The following ADGRB3 variants were observed in gnomAD, a reference collection of about 807,000 sequenced individuals.
ADGRB3 encodes the protein brain-specific angiogenesis inhibitor 3.
A neutral mutation model predicts 193.4 loss-of-function variants in ADGRB3; 37 were observed. The ratio of observed to expected loss-of-function variants is 0.19; its 90% CI spans 0.15 to 0.25. ADGRB3 has a LOEUF of 0.25. ADGRB3 is among the 10% of genes least tolerant of loss of function. The probability of loss-of-function intolerance (pLI) is 1.00; values close to 1 mark genes in which losing one functional copy is unlikely to be tolerated. For synonymous variants in ADGRB3, 690 were observed against 644.2 expected (o/e 1.07, Z -1.08); for missense variants, 1,637 against 1,852.9 (o/e 0.88, Z 2.14).
chr6:69,098,160 G>C (rs1288003722), intron 17 of ADGRB3, among the ~76,000 whole-genome samples: 1 of 152,094 alleles, frequency 6.6e-6, no homozygotes, highest in Non-Finnish European at 1.5e-5. Flanking sequence ...ATAAACTCCT[G>C]GCTTCAAGCC....
chr6:68,901,981 G>A (rs1000056339), intron 3 of ADGRB3, among the ~76,000 whole-genome samples: 13 of 152,152 alleles, frequency 8.5e-5, no homozygotes, highest in East Asian at 7.7e-4. Flanking sequence ...GCTGGAAGCC[G>A]TCTTGTTCTC....
intron 3 of ADGRB3, among the ~76,000 whole-genome samples, chr6:68,783,062 T>A (rs1461523191): frequency 8.3e-6 from 1 of 119,996 alleles, no homozygotes. Context: ...CCAGCTAATA[T>A]TTATGGAGTA....
intron 26 of ADGRB3, among the ~76,000 whole-genome samples, chr6:69,352,195 C>T (rs929723184): frequency 2.0e-5 from 3 of 152,048 alleles, no homozygotes; most frequent in South Asian, 2.1e-4. Flanking sequence ...TACCAATTTT[C>T]GATTACTAAT....
chr6:68,807,540 G>A (rs941013610), intron 3 of ADGRB3, among the ~76,000 whole-genome samples: 5 of 151,814 alleles, frequency 3.3e-5, no homozygotes, highest in African/African-American at 7.3e-5. Context: ...GCGCCTGGCC[G>A]GATGTTAATT....
intron 17 of ADGRB3, among the ~76,000 whole-genome samples, chr6:69,210,147 A>G (rs1561953518): frequency 1.5e-5 from 1 of 65,546 alleles, no homozygotes; most frequent in African/African-American, 1.3e-4. Flanking sequence ...ATTAATATAT[A>G]TCATATATAT....
intron 11 of ADGRB3, among the ~76,000 whole-genome samples, chr6:69,009,085 A>G (rs1582390670): frequency 6.6e-6 from 1 of 152,138 alleles, no homozygotes; most frequent in African/African-American, 2.4e-5. Context: ...CATGTAATTC[A>G]TCAGTTTTAA....
At chr6:68,661,830 G>A (rs1404840830) in intron 3 of ADGRB3, among the ~76,000 whole-genome samples, 4 of 150,914 alleles carry the variant, frequency 2.7e-5, no homozygotes, top group Non-Finnish European at 5.9e-5. Flanking sequence ...CTGGGAAGGG[G>A]AATAGGGAAC....
chr6:68,884,196 C>G (rs913478515), intron 3 of ADGRB3, among the ~76,000 whole-genome samples: 2 of 152,154 alleles, frequency 1.3e-5, no homozygotes, highest in Non-Finnish European at 2.9e-5. Flanking sequence ...TACTCTTTCA[C>G]TTCCTTAGTA....
chr6:68,719,273 T>C (rs1765535144), intron 3 of ADGRB3, among the ~76,000 whole-genome samples: 1 of 151,824 alleles, frequency 6.6e-6, no homozygotes, highest in African/African-American at 2.4e-5. Flanking sequence ...TCTGTATCTA[T>C]GCTGTCCAGT....
At chr6:68,862,448 T>G (rs1203878350) in intron 3 of ADGRB3, among the ~76,000 whole-genome samples, 1 of 152,202 alleles carries the variant, frequency 6.6e-6, no homozygotes, top group African/African-American at 2.4e-5. Context: ...GAAGTGCTTA[T>G]GTACAGCAAG....
chr6:69,017,649 G>C (rs1003892381), intron 12 of ADGRB3, among the ~76,000 whole-genome samples: 3 of 151,834 alleles, frequency 2.0e-5, no homozygotes, highest in African/African-American at 4.8e-5. Context: ...TAGGTAGGCA[G>C]GTAGATAAGT....
intron 15 of ADGRB3, among the ~76,000 whole-genome samples, chr6:69,060,304 C>A (rs1771711249): frequency 6.7e-6 from 1 of 149,252 alleles, no homozygotes; most frequent in Non-Finnish European, 1.5e-5. Flanking sequence ...ATTCTGTCCT[C>A]TAGGGAACTT....
At chr6:69,106,644 C>T (rs1295074790) in intron 17 of ADGRB3, among the ~76,000 whole-genome samples, 1 of 152,214 alleles carries the variant, frequency 6.6e-6, no homozygotes, top group Non-Finnish European at 1.5e-5. Context: ...AGGCTTTAAT[C>T]GTATGCTTTA....
At chr6:68,990,989 C>T (rs1444715420) in intron 10 of ADGRB3, among the ~76,000 whole-genome samples, 1 of 152,144 alleles carries the variant, frequency 6.6e-6, no homozygotes, top group Non-Finnish European at 1.5e-5. Context: ...AAACTTTCCT[C>T]ACCCTTCATG....
intron 17 of ADGRB3, among the ~76,000 whole-genome samples, chr6:69,196,521 T>A (rs921490553): frequency 5.3e-5 from 8 of 152,140 alleles, no homozygotes; most frequent in African/African-American, 1.9e-4. Flanking sequence ...ACATAGCCTT[T>A]TCTCTGCAAA....
intron 17 of ADGRB3, among the ~76,000 whole-genome samples, chr6:69,092,740 G>A (rs1772750000): frequency 6.6e-6 from 1 of 152,164 alleles, no homozygotes; most frequent in Admixed American, 6.6e-5. Flanking sequence ...AGGGGACCCA[G>A]GGAGGTCACT....
At chr6:68,906,079 T>C (rs1386177265) in intron 3 of ADGRB3, among the ~76,000 whole-genome samples, 4 of 151,340 alleles carry the variant, frequency 2.6e-5, no homozygotes, top group African/African-American at 9.7e-5. Context: ...ACAAGTTTCT[T>C]TTTTTTTTCT....
intron 17 of ADGRB3, among the ~76,000 whole-genome samples, chr6:69,223,170 CA>C (rs1433573957): frequency 6.6e-6 from 1 of 152,088 alleles, no homozygotes; most frequent in Non-Finnish European, 1.5e-5. Context: ...TCGTTTCACT[CA>C]AATAGCTGTT....
intron 13 of ADGRB3, among the ~76,000 whole-genome samples, chr6:69,046,881 G>A (rs111624390): frequency 4.6e-5 from 7 of 152,096 alleles, no homozygotes; most frequent in African/African-American, 1.2e-4. Flanking sequence ...ATTTTGAGAC[G>A]CAGTCTTGCT....
Sources: gnomAD v4.1 joint callset for allele counts (sites outside exome capture counted in the v4.1 genomes callset) on GRCh38, gnomAD v4.1.1 for gene constraint, MANE v1.5 for transcripts, NCBI Gene and HGNC (gene_info 2026-07-23, HGNC 2026-07-21) for gene names.